Variants in MYLK3 observed in about 807,000 individuals in gnomAD.
MYLK3 encodes myosin light chain kinase 3, also known as MLC kinase.
MYLK3 carries 55 observed loss-of-function variants against 76.3 expected under a neutral mutation model. That is an observed-to-expected ratio of 0.72 (90% CI 0.58 to 0.90). MYLK3 has a LOEUF of 0.90. MYLK3 is among the 40% of genes least tolerant of loss of function. MYLK3 has a pLI of 0.00. For missense variants in MYLK3, 973 were observed against 1,053.6 expected (o/e 0.92, Z 1.06); for synonymous variants, 416 against 425.4 (o/e 0.98, Z 0.27).
chr16:46,713,408 A>C (rs1966705036), intron 9 of MYLK3, among the ~76,000 whole-genome samples: 1 of 152,052 alleles, frequency 6.6e-6, no homozygotes, highest in African/African-American at 2.4e-5. Flanking sequence ...CATGTTGCCC[A>C]GGCTGGCCTC....
rs1238452740 is a variant in MYLK3 at position 46,702,721 on chromosome 16, A to C, written c.*4983T>G. The stretch of plus-strand genomic sequence containing the variant: ...CAGATCACGAGGTCAAGAGATCGAG[A>C]CCATCCTGGCCAGCATGGTGAAAGC... On this transcript the variant is annotated 3_prime_UTR_variant, in exon 13 of 13. Transcript: ENST00000394809. Among the ~76,000 whole-genome samples the C allele has an allele frequency of 6.6e-6, 1 of 152,094 alleles. No individual in the cohort carries two copies. The highest frequency in any genetic ancestry group is 1.5e-5 in the Non-Finnish European group (1 of 68,008).
chr16:46,738,544 G>C (rs1243846667), intron 2 of MYLK3, among the ~76,000 whole-genome samples: 1 of 152,166 alleles, frequency 6.6e-6, no homozygotes, highest in Non-Finnish European at 1.5e-5. Context: ...CTGGGCAACA[G>C]AGTGAGACCC....
chr16:46,752,355 C>A (rs1967137107), upstream of MYLK3, among the ~76,000 whole-genome samples: 1 of 152,150 alleles, frequency 6.6e-6, no homozygotes, highest in African/African-American at 2.4e-5. Context: ...CAGCATCAGC[C>A]TCCTGCATAA....
At chr16:46,759,443 A>G (rs935010185) in intron 1 of MYLK3, among the ~76,000 whole-genome samples, 1 of 152,136 alleles carries the variant, frequency 6.6e-6, no homozygotes, top group Non-Finnish European at 1.5e-5. Flanking sequence ...CCTTACATCA[A>G]TTACTGTACT....
At chr16:46,733,528 C>T (rs1282145631) in intron 3 of MYLK3, among the ~76,000 whole-genome samples, 1 of 152,180 alleles carries the variant, frequency 6.6e-6, no homozygotes, top group East Asian at 1.9e-4. Flanking sequence ...CAGCTCACTT[C>T]ACTCATTTTC....
Position 46,706,943 on chromosome 16 carries a change from G to A in MYLK3, c.*761C>T, listed in dbSNP as rs1966632688. 1 of 152,198 alleles carries A rather than the reference G, an allele frequency of 6.6e-6. No individual in the cohort carries two copies. The highest frequency in any genetic ancestry group is 2.4e-5 in the African/African-American group (1 of 41,438). The allele number at this position is 152,198 out of a possible 1,614,324, so 9.4% of individuals were successfully genotyped here. On this transcript the variant is annotated 3_prime_UTR_variant, in exon 13 of 13. Transcript: ENST00000394809. ...GCAGCTTTCCTTTATGTCTCAGGAT[G>A]TATCATTTCTGTGTTTCTCAGAAAG... is the stretch of plus-strand genomic sequence containing the variant.
intron 6 of MYLK3, among the ~76,000 whole-genome samples, 193 bp from the exon 7 acceptor site, chr16:46,729,326 G>A (rs1416932671): frequency 6.6e-6 from 1 of 152,142 alleles, no homozygotes; most frequent in East Asian, 1.9e-4. Flanking sequence ...TCATCTCACA[G>A]ACAGGAAACC....
chr16:46,740,306 C>G (rs1472767640), intron 1 of MYLK3, among the ~76,000 whole-genome samples, 159 bp from the exon 2 acceptor site: 1 of 152,014 alleles, frequency 6.6e-6, no homozygotes, highest in African/African-American at 2.4e-5. Context: ...GCAATTATCA[C>G]TTTAGAGAGA....
intron 9 of MYLK3, among the ~76,000 whole-genome samples, chr16:46,713,436 C>T (rs1966705459): frequency 6.6e-6 from 1 of 152,078 alleles, no homozygotes; most frequent in South Asian, 2.1e-4. Context: ...TGAGCTCAAA[C>T]AATCTGCCTG....
In MYLK3 at chr16:46,732,658, G is replaced by C. The variant is rs1471393334; in HGVS notation, c.1012C>G (p.His338Asp). 1.3e-6 allele frequency: 2 copies of C among 1,516,844 alleles called. No individual in the cohort carries two copies. Among genetic ancestry groups the C allele is most frequent in the Non-Finnish European group, 1.8e-6 (2 of 1,139,396 alleles). 94.0% of individuals were successfully genotyped at this position (1,516,844 alleles called of 1,614,324 possible). Residue 338 changes from histidine (H) to aspartate (D), a missense_variant, in exon 4 of 13, where the codon CAC (histidine) becomes GAC (aspartate). Transcript: ENST00000394809. ...CCAGGAGTATCCATCTCTTGTATGT[G>C]GATGGAGATCCTGGGGTGGAGAGAA... ...GGETPPRISI[H>D]IQEMDTPGEM...
rs1251916676 is a variant in MYLK3, at chr16:46,706,294, T to A, written c.*1410A>T. On this transcript the variant is annotated 3_prime_UTR_variant, in exon 13 of 13. Coordinates refer to ENST00000394809, the MANE Select transcript of MYLK3 (RefSeq NM_182493.3). ...GTGTATATATACATATACTGTATTC[T>A]TTTTTTTTTTTTTTTTTGAGACGGA... 8.1e-6 allele frequency: 1 copy of A among 123,808 alleles called. No individual in the cohort carries two copies. Among genetic ancestry groups the A allele is most frequent in the African/African-American group, 2.8e-5 (1 of 35,204 alleles). 7.7% of individuals were successfully genotyped at this position (123,808 alleles called of 1,614,324 possible). A position where few individuals can be genotyped will look rare whatever the true frequency, so the allele number is the denominator to read the frequency against.
chr16:46,723,297 T>TTG (rs1966817460), intron 8 of MYLK3, among the ~76,000 whole-genome samples: 1 of 152,254 alleles, frequency 6.6e-6, no homozygotes, highest in Non-Finnish European at 1.5e-5. Flanking sequence ...TTTATCCGTG[T>TTG]TGTGTAGCAG....
intron 8 of MYLK3, chr16:46,726,721 G>GA (rs1966842733): frequency 1.5e-5 from 2 of 131,830 alleles, no homozygotes; most frequent in Admixed American, 8.0e-5. Context: ...AAGAAAGAAA[G>GA]AAAGAAAGAA....
chr16:46,721,281 C>G (rs1019228868), intron 8 of MYLK3, 88 bp from the exon 9 acceptor site: 21 of 1,272,996 alleles, frequency 1.6e-5, no homozygotes, highest in African/African-American at 4.4e-5. Flanking sequence ...TGTTTTCCAG[C>G]CTTCAAGGGA....
intron 4 of MYLK3, among the ~76,000 whole-genome samples, chr16:46,731,821 C>T (rs1051206638): frequency 2.0e-5 from 3 of 152,116 alleles, no homozygotes; most frequent in East Asian, 1.9e-4. Flanking sequence ...CCAGGCACAG[C>T]GGCTTATGCC....
intron 11 of MYLK3, among the ~76,000 whole-genome samples, chr16:46,710,084 C>T (rs957673793): frequency 1.3e-5 from 2 of 152,120 alleles, no homozygotes; most frequent in Non-Finnish European, 2.9e-5. Flanking sequence ...TTTTTCCTCT[C>T]ACATAACTTT....
Position 46,720,260 on chromosome 16 carries a change from C to G in MYLK3, c.1985+863G>C, listed in dbSNP as rs1966786009. 2.0e-5 allele frequency among the ~76,000 whole-genome samples: 3 copies of G among 152,112 alleles called. No individual in the cohort carries two copies. In the South Asian group the frequency reaches 6.2e-4, roughly 32 times the overall value. ...ACAGGGTCTAGCTCTACTGCCCAGA[C>G]TGGAGTGTAATAGTGTGATTTTGGC... is the stretch of plus-strand genomic sequence containing the variant. On this transcript the variant is annotated intron_variant, in intron 9 of 12. Transcript: ENST00000394809.
In MYLK3 at chr16:46,732,520, C is replaced by T; in HGVS notation, c.1150G>A (p.Ala384Thr). 1 of 1,605,186 alleles carries T rather than the reference C, an allele frequency of 6.2e-7. No individual in the cohort carries two copies. The highest frequency in any genetic ancestry group is 1.1e-5 in the South Asian group (1 of 91,064). The stretch of plus-strand genomic sequence containing the variant: ...TGTTCTCCGGGCTCAGTCCCAGGGG[C>T]TTGGAGGCAGCGCCCGGTCCCAGGT... ...GPPGTGRCLQ[A>T]PGTEPGEQTP... The change falls in exon 4 of 13, where the codon GCC becomes ACC. Residue 384 changes from alanine to threonine, a missense_variant. Ala to Thr is a moderately conservative substitution (Grantham distance 58). Around this residue, in one of 2 missense-constraint regions of MYLK3, gnomAD observed 641 missense variants for 637.0 expected, o/e 1.01. Transcript: ENST00000394809.
Position 46,760,384 on chromosome 16 carries a change from A to G in MYLK3, c.-114+2656T>C, listed in dbSNP as rs576684772. On this transcript the variant is annotated intron_variant, in intron 1 of 11. Transcript: ENST00000536476. ...AAGTTAACTCACTTCTCTCAGCCCT[A>G]CCGTGGGCAGGCCCTGTGCTCAGCA... Among the ~76,000 whole-genome samples the G allele has an allele frequency of 1.1e-4, 16 of 152,362 alleles. No individual in the cohort carries two copies. In the East Asian group the frequency reaches 3.1e-3, roughly 29 times the overall value.
Sources: gnomAD v4.1 joint callset for allele counts (sites outside exome capture counted in the v4.1 genomes callset) on GRCh38, gnomAD v4.1.1 for gene constraint, gnomAD v4.1.1 regional missense constraint, MANE v1.5 for transcripts, NCBI Gene and HGNC (gene_info 2026-07-23, HGNC 2026-07-21) for gene names.